DKK2: variants seen among roughly 807,000 people sequenced by gnomAD.
The protein encoded by DKK2 is dickkopf-related protein 2.
DKK2 carries 11 observed loss-of-function variants against 28.1 expected under a neutral mutation model. The ratio of observed to expected loss-of-function variants is 0.39; its 90% confidence interval spans 0.25 to 0.65. DKK2 has a LOEUF of 0.65. DKK2 is among the 30% of genes least tolerant of loss of function. DKK2 has a pLI of 0.47. For synonymous variants in DKK2, 135 were observed against 126.5 expected, an observed-to-expected ratio of 1.07 and a Z score of -0.45; for missense variants, 326 against 335.5, an observed-to-expected ratio of 0.97 and a Z score of 0.22.
chr4:106,965,172 T>C (rs1308277265), intron 1 of DKK2, among the ~76,000 whole-genome samples: 1 of 152,166 alleles, frequency 6.6e-6, no homozygotes, highest in Non-Finnish European at 1.5e-5. Context: ...TAGCTATGTC[T>C]TATAAATTTT....
At chr4:107,024,670 G>A (rs1723745741) in intron 1 of DKK2, among the ~76,000 whole-genome samples, 1 of 152,084 alleles carries the variant, frequency 6.6e-6, no homozygotes, top group African/African-American at 2.4e-5. Flanking sequence ...TGATGTTGAG[G>A]CAAATAAGTA....
chr4:106,925,451 T>C (rs968876847), intron 2 of DKK2, among the ~76,000 whole-genome samples: 1 of 152,222 alleles, frequency 6.6e-6, no homozygotes, highest in Non-Finnish European at 1.5e-5. Context: ...AAAACTGGAA[T>C]AGATATTTGC....
intron 1 of DKK2, among the ~76,000 whole-genome samples, chr4:106,927,026 T>C (rs1171086793): frequency 6.6e-6 from 1 of 152,094 alleles, no homozygotes; most frequent in African/African-American, 2.4e-5. Flanking sequence ...TTGAAGTTGA[T>C]ATTTTTCTCA....
intron 1 of DKK2, among the ~76,000 whole-genome samples, chr4:106,931,943 A>T (rs771601661): frequency 6.6e-5 from 10 of 152,154 alleles, no homozygotes; most frequent in South Asian, 2.1e-4. Context: ...CACCTAAAAA[A>T]GTTTTTGTAC....
chr4:106,978,751 T>C (rs1295807722), intron 1 of DKK2, among the ~76,000 whole-genome samples: 1 of 151,834 alleles, frequency 6.6e-6, no homozygotes, highest in Non-Finnish European at 1.5e-5. Context: ...GAGTGAATGG[T>C]TTTGTCTTGC....
chr4:106,965,405 G>T (rs2110352085), intron 1 of DKK2, among the ~76,000 whole-genome samples: 1 of 152,148 alleles, frequency 6.6e-6, no homozygotes, highest in South Asian at 2.1e-4. Context: ...GAATGTCAAA[G>T]CCAAGAGTTA....
At chr4:106,989,925 A>G (rs1054819662) in intron 1 of DKK2, among the ~76,000 whole-genome samples, 23 of 152,292 alleles carry the variant, frequency 1.5e-4, no homozygotes, top group African/African-American at 5.5e-4. Flanking sequence ...GGTGAAATTA[A>G]TCTTAAAAAT....
chr4:106,967,769 G>C (rs1368028830), intron 1 of DKK2, among the ~76,000 whole-genome samples: 1 of 149,412 alleles, frequency 6.7e-6, no homozygotes, highest in Non-Finnish European at 1.5e-5. Flanking sequence ...AAGGGAATTA[G>C]GAAAGGAAGC....
chr4:106,931,320 A>G (rs1189468905), intron 1 of DKK2, among the ~76,000 whole-genome samples: 2 of 152,162 alleles, frequency 1.3e-5, no homozygotes, highest in African/African-American at 2.4e-5. Flanking sequence ...TCAGTATTCA[A>G]TCAATATTTA....
chr4:106,990,452 A>G (rs74914499), intron 1 of DKK2, among the ~76,000 whole-genome samples: 9,874 of 152,264 alleles, frequency 0.065, 373 homozygotes, highest in Middle Eastern at 0.089. Context: ...ATTGAGATAC[A>G]CAACCAACCT....
In DKK2 at chr4:106,987,991, C is replaced by T. The variant is rs552115499; in HGVS notation, c.222+47379G>A. Among the ~76,000 whole-genome samples, 48 of 151,880 alleles carry T rather than the reference C, an allele frequency of 3.2e-4. No individual in the cohort carries two copies. In the Middle Eastern group the frequency reaches 0.014, roughly 43 times the overall value. On this transcript the variant is annotated intron_variant, in intron 1 of 3. Transcript: ENST00000285311. ...GCAATTCTCCTGCCTCAGCCTCCTG[C>T]GTAGCTGGGACTATAGGCACCCACC...
intron 1 of DKK2, among the ~76,000 whole-genome samples, chr4:106,953,364 C>G (rs1167645175): frequency 1.3e-5 from 2 of 152,316 alleles, no homozygotes; most frequent in East Asian, 1.9e-4. Context: ...ACAGCACCAA[C>G]TTAAAAAGGC....
chr4:106,945,562 G>A (rs1310381507), intron 1 of DKK2, among the ~76,000 whole-genome samples: 1 of 152,040 alleles, frequency 6.6e-6, no homozygotes, highest in Non-Finnish European at 1.5e-5. Context: ...CACAAGTTTG[G>A]AGAGCTCTAG....
chr4:106,963,794 G>A (rs1351520960), intron 1 of DKK2, among the ~76,000 whole-genome samples: 1 of 152,150 alleles, frequency 6.6e-6, no homozygotes, highest in Non-Finnish European at 1.5e-5. Context: ...AACAATGGAT[G>A]AATTGATAAA....
chr4:106,932,618 A>G (rs572055108), intron 1 of DKK2, among the ~76,000 whole-genome samples: 1 of 152,198 alleles, frequency 6.6e-6, no homozygotes, highest in Non-Finnish European at 1.5e-5. Context: ...TAAAATGGAT[A>G]GGACAGAACA....
chr4:107,002,578 A>T (rs1336051747), intron 1 of DKK2, among the ~76,000 whole-genome samples: 1 of 152,174 alleles, frequency 6.6e-6, no homozygotes, highest in Admixed American at 6.5e-5. Context: ...ACTGCCAAAA[A>T]GACAGTAAAA....
chr4:106,972,994 G>T (rs1011938372), intron 1 of DKK2, among the ~76,000 whole-genome samples: 2 of 152,100 alleles, frequency 1.3e-5, no homozygotes, highest in African/African-American at 4.8e-5. Flanking sequence ...ATGGTGTTTT[G>T]TTTTCTGTTC....
At chr4:107,008,611 T>A (rs1723472872) in intron 1 of DKK2, among the ~76,000 whole-genome samples, 1 of 151,970 alleles carries the variant, frequency 6.6e-6, no homozygotes, top group Non-Finnish European at 1.5e-5. Context: ...AGGCTTTATC[T>A]TAAAGGGCAG....
chr4:106,995,673 C>T (rs957302465), intron 1 of DKK2, among the ~76,000 whole-genome samples: 3 of 152,096 alleles, frequency 2.0e-5, no homozygotes, highest in African/African-American at 7.2e-5. Context: ...AGTGCAGTGG[C>T]GCGATCTCGG....
Sources: gnomAD v4.1 joint callset for allele counts (sites outside exome capture counted in the v4.1 genomes callset) on GRCh38, gnomAD v4.1.1 for gene constraint, MANE v1.5 for transcripts, NCBI Gene and HGNC (gene_info 2026-07-23, HGNC 2026-07-21) for gene names.